The following CATSPERT variants were observed in gnomAD, a reference collection of about 807,000 sequenced individuals.
The protein encoded by CATSPERT is cation channel sperm-associated targeting subunit tau.
chr2:201,618,499 G>A, the CATSPERT span, among the ~76,000 whole-genome samples: 2 of 141,032 alleles, frequency 1.4e-5, no homozygotes, highest in Non-Finnish European at 3.0e-5. Context: ...TCATAGGTGG[G>A]AATTGAACAA....
chr2:201,510,326 C>T, the CATSPERT span, among the ~76,000 whole-genome samples: 2 of 143,110 alleles, frequency 1.4e-5, no homozygotes, highest in Non-Finnish European at 2.9e-5. Context: ...CGCCTATAGT[C>T]CCAGCTACTC....
the CATSPERT span, chr2:201,582,365 GC>G: frequency 1.3e-6 from 1 of 779,660 alleles, no homozygotes; most frequent in Non-Finnish European, 1.8e-6. Context: ...AATATTATTT[GC>G]ATACCTAGTG....
the CATSPERT span, chr2:201,618,944 G>A: frequency 6.2e-7 from 1 of 1,613,866 alleles, no homozygotes; most frequent in Admixed American, 1.7e-5. Context: ...TTGTTCTTAG[G>A]CAGGGCCGTC....
the CATSPERT span, among the ~76,000 whole-genome samples, chr2:201,516,862 A>G: frequency 6.6e-6 from 1 of 150,638 alleles, no homozygotes; most frequent in African/African-American, 2.4e-5. Flanking sequence ...TTTTCAGACT[A>G]GGTGCGTAGG....
chr2:201,592,582 T>C, the CATSPERT span, among the ~76,000 whole-genome samples: 2 of 151,374 alleles, frequency 1.3e-5, no homozygotes, highest in Admixed American at 6.6e-5. Context: ...GTACCTCTGG[T>C]AGAATTCGGC....
chr2:201,607,963 C>T, the CATSPERT span, among the ~76,000 whole-genome samples: 2 of 152,166 alleles, frequency 1.3e-5, no homozygotes, highest in African/African-American at 2.4e-5. Context: ...AAATAAATGT[C>T]TGAGGTTTAA....
At chr2:201,615,293 C>A in the CATSPERT span, among the ~76,000 whole-genome samples, 1 of 152,118 alleles carries the variant, frequency 6.6e-6, no homozygotes, top group Non-Finnish European at 1.5e-5. Flanking sequence ...CAAAATTGAC[C>A]ACATAGTTGG....
the CATSPERT span, chr2:201,601,793 G>A: frequency 2.2e-5 from 36 of 1,611,944 alleles, no homozygotes; most frequent in South Asian, 1.7e-4. Flanking sequence ...TCTTCTCATC[G>A]TTTTTGGATA....
chr2:201,569,477 C>T, the CATSPERT span, among the ~76,000 whole-genome samples: 18 of 152,144 alleles, frequency 1.2e-4, no homozygotes, highest in African/African-American at 4.3e-4. Context: ...GCCCACCTTG[C>T]CTTTGGTAGT....
the CATSPERT span, among the ~76,000 whole-genome samples, chr2:201,600,235 A>G: frequency 2.0e-5 from 3 of 152,232 alleles, no homozygotes; most frequent in Admixed American, 1.3e-4. Flanking sequence ...GCACATATAC[A>G]CCATGGAATA....
chr2:201,570,178 AT>A, the CATSPERT span, among the ~76,000 whole-genome samples: 2 of 152,166 alleles, frequency 1.3e-5, no homozygotes, highest in African/African-American at 4.8e-5. Context: ...CTCCAAAAAA[AT>A]AAATAAATAA....
chr2:201,595,350 G>A, the CATSPERT span, among the ~76,000 whole-genome samples: 11 of 151,818 alleles, frequency 7.2e-5, no homozygotes, highest in South Asian at 2.1e-4. Context: ...CACCTCGCCC[G>A]GCTAATTTTT....
chr2:201,557,082 T>C, the CATSPERT span: 1 of 152,108 alleles, frequency 6.6e-6, no homozygotes, highest in Non-Finnish European at 1.5e-5. Flanking sequence ...CAAGTAACTA[T>C]TCAAACCTTA....
At chr2:201,613,827 T>A in the CATSPERT span, among the ~76,000 whole-genome samples, 2 of 152,124 alleles carry the variant, frequency 1.3e-5, no homozygotes, top group African/African-American at 4.8e-5. Flanking sequence ...ATCAGATGAA[T>A]GGCTAATTAG....
chr2:201,490,729 G>A, the CATSPERT span, among the ~76,000 whole-genome samples: 1 of 151,080 alleles, frequency 6.6e-6, no homozygotes, highest in Admixed American at 6.6e-5. Context: ...GAATTTTTTT[G>A]TTTGTTTGTT....
chr2:201,500,999 A>T, the CATSPERT span, among the ~76,000 whole-genome samples: 1 of 152,156 alleles, frequency 6.6e-6, no homozygotes, highest in Non-Finnish European at 1.5e-5. Flanking sequence ...AAAATTAGGA[A>T]CTACCTTGAG....
chr2:201,507,389 T>A, the CATSPERT span, among the ~76,000 whole-genome samples: 1 of 152,184 alleles, frequency 6.6e-6, no homozygotes, highest in Non-Finnish European at 1.5e-5. Flanking sequence ...GCAAATTTTG[T>A]AAATATATCA....
chr2:201,593,156 T>C, the CATSPERT span, among the ~76,000 whole-genome samples: 2 of 152,116 alleles, frequency 1.3e-5, no homozygotes, highest in African/African-American at 2.4e-5. Context: ...GCTTTGAATG[T>C]GTCCCAGAGA....
chr2:201,516,761 C>A, the CATSPERT span, among the ~76,000 whole-genome samples: 1 of 151,404 alleles, frequency 6.6e-6, no homozygotes, highest in Non-Finnish European at 1.5e-5. Context: ...TTTTTTCCCC[C>A]CTACCAGAAC....
Sources: gnomAD v4.1 joint callset for allele counts (sites outside exome capture counted in the v4.1 genomes callset) on GRCh38, gnomAD v4.1.1 for gene constraint, MANE v1.5 for transcripts, NCBI Gene and HGNC (gene_info 2026-07-23, HGNC 2026-07-21) for gene names.